Variants in IGF2 observed in about 807,000 individuals in gnomAD.
IGF2 encodes the protein insulin-like growth factor 2.
In IGF2, 2 loss-of-function variants were observed where a neutral mutation model predicts 12.0. The ratio of observed to expected loss-of-function variants is 0.17; its 90% CI spans 0.07 to 0.52. The LOEUF (loss-of-function observed/expected upper bound fraction) is 0.52. IGF2 is among the 20% of genes least tolerant of loss of function. IGF2 has a pLI of 0.95. For missense variants in IGF2, 211 were observed against 268.0 expected (o/e 0.79, Z 1.48); for synonymous variants, 105 against 110.1 (o/e 0.95, Z 0.29).
At chr11:2,149,472 C>G in the IGF2 span, 2 of 783,582 alleles carry the variant, frequency 2.6e-6, no homozygotes, top group Non-Finnish European at 4.1e-6. Context: ...TACCCCTCAC[C>G]TCCTCATCCC....
At position 2,133,796 on chromosome 11, in the gene IGF2, A is replaced by G; in HGVS notation, c.158-131T>C. 9.1e-7 allele frequency: 1 copy of G among 1,097,716 alleles called. No homozygotes were observed. Among genetic ancestry groups the G allele is most frequent in the Non-Finnish European group, 1.3e-6 (1 of 770,658 alleles). 68.0% of individuals were successfully genotyped at this position (1,097,716 alleles called of 1,614,324 possible). On this transcript the variant is annotated intron_variant, in intron 2 of 3. Transcript: ENST00000416167. The surrounding 1 kb of genome is among the most constrained non-coding windows in gnomAD (Gnocchi z 8.9). ...GAAGGACGCAGCCACCCTGCGGGTC[A>G]GGGGAGGGAAGTGAGAGCTGGCAGG... is the stretch of plus-strand genomic sequence containing the variant.
Position 2,130,027 on chromosome 11 carries a change from A to C in IGF2, c.*2960T>G. 1 of 230,088 alleles carries C rather than the reference A, an allele frequency of 4.3e-6. No individual in the cohort carries two copies. Among genetic ancestry groups the C allele is most frequent in the East Asian group, 6.2e-5 (1 of 16,256 alleles). The allele number at this position is 230,088 out of a possible 1,614,324, so 14.3% of individuals were successfully genotyped here. On this transcript the variant is annotated 3_prime_UTR_variant, in exon 4 of 4. Transcript: ENST00000416167. ...ACCTTGCCCCCAAGAGGTCCCACAGAGCTTCGGACCTCCTGGAGACAAGGC... is the reference window on the plus strand; with the variant it reads ...ACCTTGCCCCCAAGAGGTCCCACAGCGCTTCGGACCTCCTGGAGACAAGGC...
upstream of IGF2, among the ~76,000 whole-genome samples, chr11:2,145,946 C>T (rs1418253258): frequency 6.6e-6 from 1 of 152,062 alleles, no homozygotes; most frequent in African/African-American, 2.4e-5. Flanking sequence ...AAGGGTCCCG[C>T]CAGCAGTCCA....
At chr11:2,137,006 G>T (rs1859109571) in intron 1 of IGF2, among the ~76,000 whole-genome samples, 2 of 152,352 alleles carry the variant, frequency 1.3e-5, no homozygotes, top group South Asian at 4.1e-4. Context: ...AGGAGCAGGT[G>T]AGGGAGCAGA....
Position 2,138,686 on chromosome 11 carries a change from G to A in IGF2, c.-464C>T. On this transcript the variant is annotated 5_prime_UTR_variant, in exon 1 of 4. Transcript: ENST00000416167. The stretch of plus-strand genomic sequence containing the variant: ...ATTAATCCACTTTGGTTCGGCGAAG[G>A]CGAGAGGGCGGGCGTGAGGGGGGGA... The A allele has an allele frequency of 2.1e-6, 2 of 960,966 alleles. No homozygotes were observed. Among genetic ancestry groups the A allele is most frequent in the Non-Finnish European group, 2.5e-6 (2 of 815,250 alleles). 59.5% of individuals were successfully genotyped at this position (960,966 alleles called of 1,614,324 possible). A position where few individuals can be genotyped will look rare whatever the true frequency, so the allele number is the denominator to read the frequency against.
chr11:2,139,880 G>A (rs977960999), upstream of IGF2, among the ~76,000 whole-genome samples: 3 of 152,060 alleles, frequency 2.0e-5, no homozygotes, highest in Admixed American at 2.0e-4. Flanking sequence ...TGCGGCTGAG[G>A]GGGCCCCTGG....
At position 2,134,685 on chromosome 11, in the gene IGF2, T is replaced by C. The variant is rs901471199; in HGVS notation, c.157+682A>G. On this transcript the variant is annotated intron_variant, in intron 2 of 3. Transcript: ENST00000416167. ...CCCCATCAGGCATGCCCAGGCACCA[T>C]GCCTGCCTCTGCATCCACCCAGCCC... 4.5e-4 allele frequency among the ~76,000 whole-genome samples: 68 copies of C among 152,244 alleles called. 1 individual carries two copies. The highest frequency in any genetic ancestry group is 1.6e-3 in the African/African-American group (65 of 41,556).
chr11:2,149,503 C>T, the IGF2 span: 544 of 697,496 alleles, frequency 7.8e-4, 4 homozygotes, highest in Middle Eastern at 4.4e-3. Flanking sequence ...TTCCCTGAGC[C>T]CCTCCGAATT....
Position 2,138,375 on chromosome 11 carries a change from G to A in IGF2, c.-153C>T, listed in dbSNP as rs1219520557. 1.2e-6 allele frequency: 1 copy of A among 841,302 alleles called. No individual in the cohort carries two copies. Among genetic ancestry groups the A allele is most frequent in the Non-Finnish European group, 1.4e-6 (1 of 704,836 alleles). 52.1% of individuals were successfully genotyped at this position (841,302 alleles called of 1,614,324 possible). ...AATGTGCGACGGGGCAGAGCGGGGG[G>A]ATGGCTTTTTTTTGGGGGGGGGGGG... is the stretch of plus-strand genomic sequence containing the variant. On this transcript the variant is annotated 5_prime_UTR_variant, in exon 1 of 4. Coordinates refer to ENST00000416167, the MANE Select transcript of IGF2 (RefSeq NM_000612.6).
At chr11:2,134,794 T>A (rs1265964424) in intron 2 of IGF2, among the ~76,000 whole-genome samples, 3 of 151,960 alleles carry the variant, frequency 2.0e-5, no homozygotes, top group Non-Finnish European at 2.9e-5. Context: ...GAGAGAAACA[T>A]GAGGAAAGGC....
intron 1 of IGF2, among the ~76,000 whole-genome samples, chr11:2,136,114 CT>C (rs1049383263): frequency 6.6e-5 from 10 of 152,354 alleles, no homozygotes; most frequent in African/African-American, 2.2e-4. Flanking sequence ...GCCCCTCCCC[CT>C]GGCTTTTCCA....
At chr11:2,141,341 C>T (rs1444146094), upstream of IGF2, 3 of 152,242 alleles carry the variant, frequency 2.0e-5, no homozygotes, top group Non-Finnish European at 4.4e-5. Context: ...AGGAGGGGAC[C>T]CCGGGGACTC....
upstream of IGF2, among the ~76,000 whole-genome samples, chr11:2,141,915 A>C (rs1056547360): frequency 6.6e-6 from 1 of 152,276 alleles, no homozygotes; most frequent in Non-Finnish European, 1.5e-5. Flanking sequence ...TTGGTAAATA[A>C]GAAAAAGACT....
intron 1 of IGF2, among the ~76,000 whole-genome samples, chr11:2,135,811 T>C (rs1304025707): frequency 6.6e-6 from 1 of 152,152 alleles, no homozygotes; most frequent in Non-Finnish European, 1.5e-5. Flanking sequence ...GGGGTGACCA[T>C]CTCCACGGTC....
At chr11:2,136,237 T>G (rs999738991) in intron 1 of IGF2, among the ~76,000 whole-genome samples, 1 of 152,144 alleles carries the variant, frequency 6.6e-6, no homozygotes, top group Non-Finnish European at 1.5e-5. Context: ...GTTCTCCAAC[T>G]CCAGTCTGCC....
the IGF2 span, chr11:2,149,383 A>AAT: frequency 1.9e-6 from 3 of 1,554,714 alleles, no homozygotes; most frequent in Non-Finnish European, 2.6e-6. Flanking sequence ...TGTGCATGTT[A>AAT]ATACGGCCCC....
At position 2,139,127 on chromosome 11, in the gene IGF2, G is replaced by C. The variant is rs1326110325; in HGVS notation, c.-905C>G. 2 of 154,430 alleles carry C rather than the reference G, an allele frequency of 1.3e-5. No homozygotes were observed. Among genetic ancestry groups the C allele is most frequent in the East Asian group, 2.0e-4 (1 of 5,116 alleles). 9.6% of individuals were successfully genotyped at this position (154,430 alleles called of 1,614,324 possible). A position where few individuals can be genotyped will look rare whatever the true frequency, so the allele number is the denominator to read the frequency against. ...TGCCTGCGGGGGGAACCGCCTCCTC[G>C]GGCGAAGCGGGGATGGGGGGAGTTG... On this transcript the variant is annotated 5_prime_UTR_variant, in exon 1 of 4. Coordinates refer to ENST00000416167, the MANE Select transcript of IGF2 (RefSeq NM_000612.6).
upstream of IGF2, chr11:2,140,380 GC>G (rs1859479738): frequency 2.3e-6 from 3 of 1,304,474 alleles, no homozygotes; most frequent in Non-Finnish European, 3.2e-6. Context: ...CACCCCGCCA[GC>G]CCCCCGCCGC....
upstream of IGF2, chr11:2,141,244 C>T (rs768215216): frequency 2.1e-4 from 32 of 152,640 alleles, no homozygotes; most frequent in South Asian, 1.4e-3. Flanking sequence ...CAGTGGGTGG[C>T]CGGCGAGCCG....
Sources: gnomAD v4.1 joint callset for allele counts (sites outside exome capture counted in the v4.1 genomes callset) on GRCh38, gnomAD v4.1.1 for gene constraint, Gnocchi (gnomAD v3.1) non-coding constraint, MANE v1.5 for transcripts, NCBI Gene and HGNC (gene_info 2026-07-23, HGNC 2026-07-21) for gene names.